CD8B2: variants seen among roughly 807,000 people sequenced by gnomAD.
CD8B2 encodes CD8B family member 2.
A neutral mutation model predicts 23.7 loss-of-function variants in CD8B2; 11 were observed. The observed-to-expected ratio is 0.46, with a 90% CI of 0.29 to 0.77. The LOEUF (loss-of-function observed/expected upper bound fraction) is 0.77. Ranked by LOEUF, CD8B2 falls within the 30% of genes least tolerant of loss-of-function variation. CD8B2 has a pLI of 0.09. For missense variants in CD8B2, 197 were observed against 270.5 expected, an observed-to-expected ratio of 0.73 and a Z score of 1.91; for synonymous variants, 90 against 109.3, an observed-to-expected ratio of 0.82 and a Z score of 1.10.
intron 5 of CD8B2, among the ~76,000 whole-genome samples, chr2:106,523,868 G>A (rs753123937): frequency 2.2e-4 from 33 of 152,178 alleles, no homozygotes; most frequent in Non-Finnish European, 2.6e-4. Context: ...CTTTCTCATT[G>A]GGTCGGCTGT....
chr2:106,521,049 A>AG (rs59559111), intron 5 of CD8B2, among the ~76,000 whole-genome samples: 101 of 149,834 alleles, frequency 6.7e-4, no homozygotes, highest in Admixed American at 1.2e-3. Context: ...AGAGAGAGAG[A>AG]AAGAGAGAGA....
chr2:106,488,981 T>C (rs560979810), intron 1 of CD8B2, among the ~76,000 whole-genome samples: 1 of 151,620 alleles, frequency 6.6e-6, no homozygotes, highest in Admixed American at 6.6e-5. Flanking sequence ...CCTTCTTGTT[T>C]TTATTTTTAT....
intron 5 of CD8B2, among the ~76,000 whole-genome samples, chr2:106,536,131 T>C (rs1230077566): frequency 1.3e-5 from 2 of 149,094 alleles, no homozygotes; most frequent in Admixed American, 1.4e-4. Flanking sequence ...GCCTCCAGGG[T>C]TCAAGCGATT....
chr2:106,522,622 C>T (rs1217638340), intron 5 of CD8B2, among the ~76,000 whole-genome samples: 1 of 152,176 alleles, frequency 6.6e-6, no homozygotes, highest in Non-Finnish European at 1.5e-5. Context: ...GGGCTTTCCA[C>T]AGGGCCCTAA....
At chr2:106,502,685 C>A in intron 4 of CD8B2, 122 bp downstream of exon 4, 2 of 575,196 alleles carry the variant, frequency 3.5e-6, no homozygotes, top group Non-Finnish European at 3.1e-6. Context: ...CCTCAGAGAA[C>A]CTGCGGTATT....
At chr2:106,494,388 T>C (rs1679258191) in intron 2 of CD8B2, among the ~76,000 whole-genome samples, 1 of 152,112 alleles carries the variant, frequency 6.6e-6, no homozygotes, top group Admixed American at 6.5e-5. Flanking sequence ...CCTCAGGTGA[T>C]CCACCTGCCT....
chr2:106,519,839 G>A (rs145609942), intron 5 of CD8B2, among the ~76,000 whole-genome samples: 21 of 152,350 alleles, frequency 1.4e-4, no homozygotes, highest in Admixed American at 1.0e-3. Context: ...ACAAATTTGT[G>A]TTGGGCCACA....
chr2:106,507,197 A>C lies in CD8B2; in HGVS notation c.*257A>C. Reference sequence around the variant, plus strand: ...ACAGAGTGTGCTGGAGGACTGAGTAAGAAATGCTGCCCATGCCACCGCTTC... The same window carrying C: ...ACAGAGTGTGCTGGAGGACTGAGTACGAAATGCTGCCCATGCCACCGCTTC... On this transcript the variant is annotated 3_prime_UTR_variant, in exon 6 of 6. Coordinates refer to ENST00000643224, the MANE Select transcript of CD8B2 (RefSeq NM_001349727.2). 1 of 1,293,304 alleles carries C rather than the reference A, an allele frequency of 7.7e-7. No individual in the cohort carries two copies. The highest frequency in any genetic ancestry group is 9.8e-7 in the Non-Finnish European group (1 of 1,016,240). 80.1% of individuals were successfully genotyped at this position (1,293,304 alleles called of 1,614,324 possible). A position where few individuals can be genotyped will look rare whatever the true frequency, so the allele number is the denominator to read the frequency against.
chr2:106,491,797 C>T lies in CD8B2; in HGVS notation c.403+564C>T, dbSNP rs193130382. Among the ~76,000 whole-genome samples, 1,361 of 152,298 alleles carry T rather than the reference C, an allele frequency of 8.9e-3. 5 individuals are homozygous for T. The highest frequency in any genetic ancestry group is 0.013 in the Non-Finnish European group (879 of 68,028). ...CTCCTGACCTCAAGTGATCCACCCACCTTAGCCTCCCAAAGCGCTAGGATT... is the reference window on the plus strand; with the variant it reads ...CTCCTGACCTCAAGTGATCCACCCATCTTAGCCTCCCAAAGCGCTAGGATT... On this transcript the variant is annotated intron_variant, in intron 2 of 5. Transcript: ENST00000643224.
rs563560773 is a variant in CD8B2, at chr2:106,524,607, G to A, written c.621-19385G>A. 7.2e-5 allele frequency among the ~76,000 whole-genome samples: 11 copies of A among 152,316 alleles called. No individual in the cohort carries two copies. The South Asian group carries it at 2.3e-3, about 32-fold the overall frequency. On this transcript the variant is annotated intron_variant, in intron 5 of 5. Coordinates refer to the CD8B2 transcript ENST00000416057. ...CAGTGCTGCTGCTCCGAGGACCATA[G>A]TTGGAGCAGTGAGAGCCCAAGTGCA...
At chr2:106,528,381 T>A (rs1468685577) in intron 5 of CD8B2, among the ~76,000 whole-genome samples, 7 of 152,364 alleles carry the variant, frequency 4.6e-5, no homozygotes, top group Middle Eastern at 3.4e-3. Context: ...TTCCTCATTT[T>A]TTTTTTAGTT....
downstream of CD8B2, among the ~76,000 whole-genome samples, chr2:106,515,733 G>A (rs2104565648): frequency 6.6e-6 from 1 of 152,294 alleles, no homozygotes; most frequent in East Asian, 1.9e-4. Flanking sequence ...CATGTCTGGA[G>A]GGAAGGTCAA....
intron 5 of CD8B2, among the ~76,000 whole-genome samples, chr2:106,519,462 G>A (rs930093684): frequency 2.0e-5 from 3 of 152,200 alleles, no homozygotes; most frequent in African/African-American, 4.8e-5. Context: ...TTGAGGGTTC[G>A]GGGTAATATA....
chr2:106,507,802 G>A lies in CD8B2; in HGVS notation c.*862G>A, dbSNP rs150285385. On this transcript the variant is annotated 3_prime_UTR_variant, in exon 6 of 6. Transcript: ENST00000643224. ...TCCTCATTTGCCCGACATTGTAGGT[G>A]TGGAGAGTCCTAGAGAGGCTAGGAA... 857 of 249,382 alleles carry A rather than the reference G, an allele frequency of 3.4e-3. 4 individuals are homozygous for A. Among genetic ancestry groups the A allele is most frequent in the African/African-American group, 0.019 (822 of 43,154 alleles). 15.4% of individuals were successfully genotyped at this position (249,382 alleles called of 1,614,324 possible).
At chr2:106,528,797 T>C (rs1679950661) in intron 5 of CD8B2, among the ~76,000 whole-genome samples, 1 of 152,234 alleles carries the variant, frequency 6.6e-6, no homozygotes, top group East Asian at 1.9e-4. Context: ...GCATTGGAAA[T>C]AGACTTTCCA....
At chr2:106,529,456 G>A (rs995047103) in intron 5 of CD8B2, among the ~76,000 whole-genome samples, 19 of 152,160 alleles carry the variant, frequency 1.2e-4, no homozygotes, top group African/African-American at 3.1e-4. Context: ...CCCAGAAATG[G>A]TAAGTTTCCT....
chr2:106,539,004 G>A (rs1274596398), intron 5 of CD8B2, among the ~76,000 whole-genome samples: 1 of 152,062 alleles, frequency 6.6e-6, no homozygotes, highest in Non-Finnish European at 1.5e-5. Context: ...TTCAGAGCCG[G>A]GTTCTTGCAG....
At chr2:106,527,595 C>CA (rs1181325769) in intron 5 of CD8B2, among the ~76,000 whole-genome samples, 1 of 152,066 alleles carries the variant, frequency 6.6e-6, no homozygotes, top group African/African-American at 2.4e-5. Context: ...CAAGCCTGGC[C>CA]AAGATGGTGA....
At chr2:106,533,670 T>G (rs185005276) in intron 5 of CD8B2, among the ~76,000 whole-genome samples, 8 of 152,224 alleles carry the variant, frequency 5.3e-5, no homozygotes, top group Admixed American at 5.2e-4. Flanking sequence ...AATGCTAAAA[T>G]AGTACACAGA....
Sources: gnomAD v4.1 joint callset for allele counts (sites outside exome capture counted in the v4.1 genomes callset) on GRCh38, gnomAD v4.1.1 for gene constraint, MANE v1.5 for transcripts, NCBI Gene and HGNC (gene_info 2026-07-23, HGNC 2026-07-21) for gene names.